The following TECPR2 variants were observed in gnomAD, a reference collection of about 807,000 sequenced individuals.
TECPR2 encodes tectonin beta-propeller repeat-containing protein 2.
TECPR2 carries 65 observed loss-of-function variants against 138.1 expected under a neutral mutation model. That is an observed-to-expected ratio of 0.47 (90% CI 0.39 to 0.58). TECPR2 has a LOEUF of 0.58. Ranked by LOEUF, TECPR2 falls within the 20% of genes least tolerant of loss-of-function variation. The pLI is 0.00. For synonymous variants in TECPR2, 746 were observed against 749.8 expected, an observed-to-expected ratio of 0.99 and a Z score of 0.08; for missense variants, 1,553 against 1,824.5, an observed-to-expected ratio of 0.85 and a Z score of 2.71.
chr14:102,484,892 A>C (rs1225236762), intron 17 of TECPR2, among the ~76,000 whole-genome samples: 1 of 152,160 alleles, frequency 6.6e-6, no homozygotes, highest in Non-Finnish European at 1.5e-5. Context: ...TCCTGGCCTC[A>C]GGTGATCCGG....
At chr14:102,366,627 G>A (rs1036221952) in intron 1 of TECPR2, among the ~76,000 whole-genome samples, 10 of 152,202 alleles carry the variant, frequency 6.6e-5, no homozygotes, top group African/African-American at 1.4e-4. Flanking sequence ...GATTACAGGC[G>A]TGAGCCATCA....
At chr14:102,399,316 G>GAT (rs1888406266) in intron 2 of TECPR2, among the ~76,000 whole-genome samples, 1 of 152,108 alleles carries the variant, frequency 6.6e-6, no homozygotes, top group Admixed American at 6.6e-5. Context: ...ACAGTGGGCT[G>GAT]ATATATTCAG....
intron 17 of TECPR2, among the ~76,000 whole-genome samples, chr14:102,480,756 G>A (rs1198664835): frequency 1.3e-5 from 2 of 151,112 alleles, no homozygotes; most frequent in African/African-American, 4.9e-5. Context: ...GGTCTCAAGT[G>A]ATCCTCCCAC....
At chr14:102,418,195 C>T (rs1889080109) in intron 5 of TECPR2, among the ~76,000 whole-genome samples, 1 of 152,172 alleles carries the variant, frequency 6.6e-6, no homozygotes, top group African/African-American at 2.4e-5. Flanking sequence ...GTGACACTGA[C>T]ACCCTGACAT....
chr14:102,433,183 CT>C (rs527522602), intron 8 of TECPR2, among the ~76,000 whole-genome samples: 34 of 143,820 alleles, frequency 2.4e-4, no homozygotes, highest in Admixed American at 4.2e-4. Context: ...GAATTTTTTT[CT>C]TTTTTTTTTT....
intron 6 of TECPR2, 35 bp from the exon 7 acceptor site, chr14:102,428,215 G>GTTTTGTTT: frequency 7.6e-7 from 1 of 1,309,498 alleles, no homozygotes; most frequent in African/African-American, 2.0e-5. Context: ...TTAGTTTTGT[G>GTTTTGTTT]TTTTTTGTTT....
chr14:102,491,055 C>T (rs1891148625), intron 17 of TECPR2, among the ~76,000 whole-genome samples: 4 of 151,932 alleles, frequency 2.6e-5, no homozygotes, highest in Admixed American at 2.6e-4. Context: ...CCACCATGCC[C>T]GATTAATTTT....
At chr14:102,455,937 A>G (rs2139760214) in intron 16 of TECPR2, among the ~76,000 whole-genome samples, 1 of 152,252 alleles carries the variant, frequency 6.6e-6, no homozygotes, top group East Asian at 1.9e-4. Context: ...TATTTTGGGT[A>G]GAGATGGGGT....
intron 17 of TECPR2, among the ~76,000 whole-genome samples, chr14:102,475,726 A>G (rs1890743468): frequency 6.6e-6 from 1 of 152,118 alleles, no homozygotes. Context: ...ATTAACATTT[A>G]CCCAACAAGC....
intron 8 of TECPR2, among the ~76,000 whole-genome samples, chr14:102,433,932 A>C (rs1329677068): frequency 1.3e-5 from 2 of 152,186 alleles, no homozygotes; most frequent in Non-Finnish European, 2.9e-5. Context: ...CACTGAAGGA[A>C]ATGTTATTAG....
chr14:102,403,239 G>A (rs1888544657), intron 2 of TECPR2, among the ~76,000 whole-genome samples: 1 of 152,184 alleles, frequency 6.6e-6, no homozygotes, highest in Non-Finnish European at 1.5e-5. Context: ...ACATATGAAA[G>A]TCAGTTACCT....
Position 102,449,674 on chromosome 14 carries a change from C to T in TECPR2, c.3121C>T (p.Gln1041Ter). 6.2e-7 allele frequency: 1 copy of T among 1,614,190 alleles called. No individual in the cohort carries two copies. Among genetic ancestry groups the T allele is most frequent in the Non-Finnish European group, 8.5e-7 (1 of 1,180,048 alleles). ...YVVFDQCSLFQTIIHATHSVA... is the reference protein window; with the variant it reads ...YVVFDQCSLF ...GGTGTTTGACCAGTGCAGCTTATTT[C>T]AGACGATAATCCATGCCACTCACTC... The change falls in exon 14 of 20, where the codon CAG becomes TAG. Residue 1041 changes from glutamine (Q) to a stop codon, truncating the protein, a stop_gained. Coordinates refer to ENST00000359520, the MANE Select transcript of TECPR2 (RefSeq NM_014844.5). LOFTEE classifies it high-confidence loss of function.
chr14:102,377,915 T>G (rs1030806340), intron 2 of TECPR2, among the ~76,000 whole-genome samples: 1 of 152,220 alleles, frequency 6.6e-6, no homozygotes, highest in Non-Finnish European at 1.5e-5. Flanking sequence ...TATGCACCTC[T>G]TAGCTGAGCT....
At position 102,414,574 on chromosome 14, in the gene TECPR2, T is replaced by C. The variant is rs529182329; in HGVS notation, c.481-62T>C. ...TAGCGGGAAGGACACTGACTTGTCC[T>C]AAGGGAGGTCCATTCTTTAGCCTGG... On this transcript the variant is annotated intron_variant, in intron 4 of 19. Transcript: ENST00000359520. The C allele has an allele frequency of 3.1e-5, 49 of 1,596,052 alleles. No individual in the cohort carries two copies. The African/African-American group carries it at 6.0e-4, about 20-fold the overall frequency.
At chr14:102,449,911 G>A (rs1405125879) in intron 14 of TECPR2, 42 bp downstream of exon 14, 1 of 1,600,052 alleles carries the variant, frequency 6.2e-7, no homozygotes, top group Non-Finnish European at 8.5e-7. Flanking sequence ...TTTATAGGCA[G>A]CCTCACTTTA....
At chr14:102,377,519 A>G (rs1249034118) in intron 2 of TECPR2, among the ~76,000 whole-genome samples, 32 of 152,172 alleles carry the variant, frequency 2.1e-4, no homozygotes, top group Admixed American at 2.1e-3. Context: ...AGCCTTGACC[A>G]ATATGGTGAA....
chr14:102,373,907 C>T (rs1401933723), intron 1 of TECPR2, among the ~76,000 whole-genome samples: 2 of 151,558 alleles, frequency 1.3e-5, no homozygotes, highest in Non-Finnish European at 2.9e-5. Context: ...GGGGAAACCC[C>T]CATCTCTACT....
intron 17 of TECPR2, among the ~76,000 whole-genome samples, chr14:102,484,844 G>C (rs988747541): frequency 6.6e-6 from 1 of 152,156 alleles, no homozygotes; most frequent in Non-Finnish European, 1.5e-5. Flanking sequence ...TTTTGGTAGA[G>C]ACAGGGTTTC....
At chr14:102,449,091 GTC>G (rs1221028817) in intron 13 of TECPR2, among the ~76,000 whole-genome samples, 3 of 152,130 alleles carry the variant, frequency 2.0e-5, no homozygotes, top group Non-Finnish European at 4.4e-5. Context: ...AGGGAGACCT[GTC>G]TCTACAAAAA....
Sources: allele counts gnomAD v4.1 joint callset (sites outside exome capture counted in the v4.1 genomes callset), GRCh38; gene constraint gnomAD v4.1.1; transcripts MANE v1.5; gene names NCBI Gene and HGNC (gene_info 2026-07-23, HGNC 2026-07-21).